Variants in CHTOP observed in about 807,000 individuals in gnomAD.
CHTOP encodes chromatin target of PRMT1 protein.
In CHTOP, 18 loss-of-function variants were observed where a neutral mutation model predicts 33.6. That is an observed-to-expected ratio of 0.54 (90% CI 0.37 to 0.80). The LOEUF is 0.80. CHTOP is among the 30% of genes least tolerant of loss of function. The pLI is 0.00. For missense variants in CHTOP, 263 were observed against 336.8 expected (o/e 0.78, Z 1.71); for synonymous variants, 117 against 127.7 (o/e 0.92, Z 0.56).
chr1:153,634,864 TTG>T (rs1491418980), intron 1 of CHTOP, among the ~76,000 whole-genome samples: 28 of 99,646 alleles, frequency 2.8e-4, no homozygotes, highest in South Asian at 2.1e-3. Context: ...ATATTTTTTT[TTG>T]GGGGGGGACG....
chr1:153,638,474 A>G (rs773933024), intron 3 of CHTOP, 26 bp downstream of exon 3: 8 of 1,613,976 alleles, frequency 5.0e-6, no homozygotes, highest in Non-Finnish European at 8.5e-7. Flanking sequence ...TTAATGCTCC[A>G]GAAGCAGCTG....
At chr1:153,636,696 A>T in intron 2 of CHTOP, 43 bp downstream of exon 2, 1 of 1,575,326 alleles carries the variant, frequency 6.3e-7, no homozygotes, top group African/African-American at 1.3e-5. Flanking sequence ...CTAAGAAAAC[A>T]TTACTTAACT....
intron 5 of CHTOP, 189 bp downstream of exon 5, chr1:153,643,553 A>C: frequency 1.8e-6 from 1 of 550,070 alleles, no homozygotes. Context: ...TTTTCCAAGA[A>C]TCAATCAAGT....
At chr1:153,635,576 T>C (rs889690919) in intron 1 of CHTOP, among the ~76,000 whole-genome samples, 3 of 151,922 alleles carry the variant, frequency 2.0e-5, no homozygotes, top group African/African-American at 7.2e-5. Flanking sequence ...ATCCCAGCAC[T>C]TTGGGAGGCC....
intron 3 of CHTOP, among the ~76,000 whole-genome samples, chr1:153,641,496 G>A (rs865812217): frequency 6.6e-6 from 1 of 152,088 alleles, no homozygotes; most frequent in Non-Finnish European, 1.5e-5. Context: ...TCTAACATAC[G>A]TTTGGCTGGC....
At chr1:153,643,422 T>C in intron 5 of CHTOP, 58 bp downstream of exon 5, 6 of 1,462,100 alleles carry the variant, frequency 4.1e-6, no homozygotes, top group South Asian at 1.5e-5. Flanking sequence ...CCTTAAAAAC[T>C]CAGAGCCACC....
At chr1:153,644,993 G>T in intron 5 of CHTOP, 71 bp from the exon 6 acceptor site, 5 of 1,411,176 alleles carry the variant, frequency 3.5e-6, no homozygotes, top group Non-Finnish European at 4.9e-6. Context: ...GCTCTAAGGG[G>T]CATTTACTAC....
In CHTOP at chr1:153,634,330, G is replaced by C. The variant is rs1470525035; in HGVS notation, c.-31G>C. ...TGGCAGCCCCGGGAGGAGCACTGGC[G>C]TCTGTTTCCTTCGGTGAGTTTCGGT... On this transcript the variant is annotated 5_prime_UTR_variant, in exon 1 of 6. Coordinates refer to ENST00000368694, the MANE Select transcript of CHTOP (RefSeq NM_015607.4). 2.0e-5 allele frequency: 3 copies of C among 152,904 alleles called. No individual in the cohort carries two copies. Among genetic ancestry groups the C allele is most frequent in the Admixed American group, 6.5e-5 (1 of 15,290 alleles). 9.5% of individuals were successfully genotyped at this position (152,904 alleles called of 1,614,324 possible).
rs532922822 is a variant in CHTOP, at chr1:153,645,812, C to G, written c.*543C>G. ...TCTTCCACATTGATAATTTAGTAAACTGAGAACATTGACATCACTACAGGG... is the reference window on the plus strand; with the variant it reads ...TCTTCCACATTGATAATTTAGTAAAGTGAGAACATTGACATCACTACAGGG... On this transcript the variant is annotated 3_prime_UTR_variant, in exon 6 of 6. Coordinates refer to ENST00000368694, the MANE Select transcript of CHTOP (RefSeq NM_015607.4). 6.4e-6 allele frequency: 1 copy of G among 157,114 alleles called. No homozygotes were observed. Among genetic ancestry groups the G allele is most frequent in the South Asian group, 1.9e-4 (1 of 5,240 alleles). The allele number at this position is 157,114 out of a possible 1,614,324, so 9.7% of individuals were successfully genotyped here.
At chr1:153,638,509 G>T (rs1173318202) in intron 3 of CHTOP, 61 bp downstream of exon 3, 26 of 1,593,914 alleles carry the variant, frequency 1.6e-5, no homozygotes, top group Non-Finnish European at 2.2e-5. Flanking sequence ...GGAGTCCACT[G>T]AGGCTGTCAG....
chr1:153,645,206 A>G lies in CHTOP; in HGVS notation c.684A>G (p.Lys228=). Residue 228 remains lysine, a synonymous_variant, in exon 6 of 6, where the codon AAA becomes AAG. Transcript: ENST00000368694. ...NQLDAYMSKT[K]GHLDAELDAY... The stretch of plus-strand genomic sequence containing the variant: ...TGGATGCATATATGTCGAAAACAAA[A>G]GGACACCTGGATGCTGAGTTGGATG... 1 of 1,614,250 alleles carries G rather than the reference A, an allele frequency of 6.2e-7. No individual in the cohort carries two copies. Among genetic ancestry groups the G allele is most frequent in the South Asian group, 1.1e-5 (1 of 91,092 alleles).
intron 1 of CHTOP, 70 bp from the exon 2 acceptor site, chr1:153,636,502 T>A: frequency 7.7e-7 from 1 of 1,298,202 alleles, no homozygotes; most frequent in South Asian, 1.2e-5. Flanking sequence ...TATTTTTGGC[T>A]TGGGCCTTGC....
rs373545228 is a variant in CHTOP at position 153,638,459 on chromosome 1, G to A, written c.219+11G>A. On this transcript the variant is annotated intron_variant, in intron 3 of 5. Coordinates refer to ENST00000368694, the MANE Select transcript of CHTOP (RefSeq NM_015607.4). ...TTAAAACTTAAGCAGGTGAGAGAAT[G>A]GGTCTTAATGCTCCAGAAGCAGCTG... 4 of 1,613,986 alleles carry A rather than the reference G, an allele frequency of 2.5e-6. No homozygotes were observed. The African/African-American group carries it at 5.3e-5, about 22-fold the overall frequency.
chr1:153,645,476 G>A lies in CHTOP; in HGVS notation c.*207G>A, dbSNP rs921689776. ...TGAAACCCTTTTGTCCTTTGATTTGGTTTTTTGTTTTTGTTTTTTTAGGGG... is the reference window on the plus strand; with the variant it reads ...TGAAACCCTTTTGTCCTTTGATTTGATTTTTTGTTTTTGTTTTTTTAGGGG... On this transcript the variant is annotated 3_prime_UTR_variant, in exon 6 of 6. Transcript: ENST00000368694. The A allele has an allele frequency of 2.1e-3, 80 of 37,740 alleles. No homozygotes were observed. Among genetic ancestry groups the A allele is most frequent in the African/African-American group, 8.5e-3 (72 of 8,456 alleles). 2.3% of individuals were successfully genotyped at this position (37,740 alleles called of 1,614,324 possible). A position where few individuals can be genotyped will look rare whatever the true frequency, so the allele number is the denominator to read the frequency against.
intron 3 of CHTOP, chr1:153,639,511 C>T (rs1401913791): frequency 2.4e-6 from 1 of 412,374 alleles, no homozygotes; most frequent in Non-Finnish European, 3.3e-6. Flanking sequence ...ATATAACACC[C>T]TTACACCCCC....
At chr1:153,639,500 A>C (rs549201401) in intron 3 of CHTOP, 3 of 534,990 alleles carry the variant, frequency 5.6e-6, no homozygotes, top group South Asian at 1.6e-4. Context: ...TCAGCAGTTA[A>C]ATATAACACC....
At position 153,638,967 on chromosome 1, in the gene CHTOP, G is replaced by A. The variant is rs183955454; in HGVS notation, c.219+519G>A. Among the ~76,000 whole-genome samples, 460 of 150,024 alleles carry A rather than the reference G, an allele frequency of 3.1e-3. 1 individual carries two copies. The highest frequency in any genetic ancestry group is 0.01 in the African/African-American group (423 of 40,638). On this transcript the variant is annotated intron_variant, in intron 3 of 5. Transcript: ENST00000368694. ...ACGATCTCGGCTCACTGCAAGCTCC[G>A]CCTCCCGGGTCCATACCATTCTCCT...
intron 3 of CHTOP, among the ~76,000 whole-genome samples, chr1:153,641,129 T>A (rs960934827): frequency 6.6e-6 from 1 of 152,258 alleles, no homozygotes; most frequent in African/African-American, 2.4e-5. Context: ...TCCCCACTGA[T>A]GAGAAGCAAT....
At chr1:153,642,482 C>G in intron 4 of CHTOP, 53 bp downstream of exon 4, 1 of 1,447,062 alleles carries the variant, frequency 6.9e-7, no homozygotes. Context: ...TCCCTTTTCT[C>G]TTGGGCTGCT....
Sources: gnomAD v4.1 joint callset for allele counts (sites outside exome capture counted in the v4.1 genomes callset) on GRCh38, gnomAD v4.1.1 for gene constraint, MANE v1.5 for transcripts, NCBI Gene and HGNC (gene_info 2026-07-23, HGNC 2026-07-21) for gene names.